ABCG2: variants seen among roughly 807,000 people sequenced by gnomAD.
The protein encoded by ABCG2 is ATP binding cassette subfamily G member 2 (JR blood group), also known as broad substrate specificity ATP-binding cassette transporter ABCG2.
Under a neutral mutation model 73.5 loss-of-function variants are expected in ABCG2, and 80 were observed. The observed-to-expected ratio is 1.09, with a 90% CI of 0.91 to 1.31. The LOEUF is 1.31. ABCG2 is among the 50% of genes most tolerant of loss of function. The probability of loss-of-function intolerance (pLI) is 0.00; values close to 1 mark genes in which losing one functional copy is unlikely to be tolerated. For missense variants in ABCG2, 796 were observed against 786.2 expected, an observed-to-expected ratio of 1.01 and a Z score of -0.15; for synonymous variants, 269 against 282.4, an observed-to-expected ratio of 0.95 and a Z score of 0.48.
At chr4:88,134,428 T>C (rs1198010159) in intron 2 of ABCG2, among the ~76,000 whole-genome samples, 3 of 152,160 alleles carry the variant, frequency 2.0e-5, no homozygotes, top group Non-Finnish European at 4.4e-5. Context: ...AGGAGCAAGA[T>C]CTAACAGAAA....
Position 88,192,451 on chromosome 4 carries a change from T to A in ABCG2, c.-20+38543A>T, listed in dbSNP as rs554457461. 2.5e-3 allele frequency among the ~76,000 whole-genome samples: 386 copies of A among 152,196 alleles called. 2 individuals carry two copies. The highest frequency in any genetic ancestry group is 8.8e-3 in the African/African-American group (366 of 41,540). On this transcript the variant is annotated intron_variant, in intron 1 of 15. Coordinates refer to the ABCG2 transcript ENST00000515655. ...TTTTTTGAGATGGAGTCTCGCTCCA[T>A]CGCCCAGGCCCAGGCTGGAGTGCAG...
intron 1 of ABCG2, among the ~76,000 whole-genome samples, chr4:88,201,993 T>C (rs1447946997): frequency 6.6e-6 from 1 of 151,914 alleles, no homozygotes; most frequent in Non-Finnish European, 1.5e-5. Flanking sequence ...TTGGTATGAG[T>C]GTGGCAGGGC....
At chr4:88,110,517 T>A (rs1216550652) in intron 9 of ABCG2, among the ~76,000 whole-genome samples, 1 of 152,054 alleles carries the variant, frequency 6.6e-6, no homozygotes, top group Admixed American at 6.6e-5. Context: ...CACTCCAGCC[T>A]GGGCGACAGA....
chr4:88,197,824 G>A (rs969194133), intron 1 of ABCG2, among the ~76,000 whole-genome samples: 1 of 151,672 alleles, frequency 6.6e-6, no homozygotes, highest in Non-Finnish European at 1.5e-5. Flanking sequence ...AAGAGGCCAG[G>A]AGTTCAAGAC....
In ABCG2 at chr4:88,121,683, G is replaced by C. The variant is rs529882354; in HGVS notation, c.641C>G (p.Thr214Ser). 3 of 1,614,128 alleles carry C rather than the reference G, an allele frequency of 1.9e-6. No individual in the cohort carries two copies. The highest frequency in any genetic ancestry group is 2.7e-5 in the African/African-American group (2 of 75,058). Residue 214 changes from threonine to serine, a missense_variant, in exon 6 of 16, where the codon ACT (threonine) becomes AGT (serine). Coordinates refer to ENST00000237612, the MANE Select transcript of ABCG2 (RefSeq NM_004827.3). Reference protein sequence around the residue: ...PSILFLDEPTTGLDSSTANAV... With the variant: ...PSILFLDEPTSGLDSSTANAV... ...ATTTGCTGTGCTTGAGTCTAAGCCA[G>C]TTGTAGGCTCATCCAAGAACAAGAT...
intron 6 of ABCG2, among the ~76,000 whole-genome samples, chr4:88,120,071 C>T (rs1484458361): frequency 2.6e-5 from 4 of 152,180 alleles, no homozygotes; most frequent in Non-Finnish European, 5.9e-5. Flanking sequence ...CAGGGCCTTG[C>T]TGCTTTGTAC....
At chr4:88,220,363 G>C (rs997350247) in intron 1 of ABCG2, among the ~76,000 whole-genome samples, 1 of 152,138 alleles carries the variant, frequency 6.6e-6, no homozygotes, top group Admixed American at 6.5e-5. Context: ...TAATTCTATG[G>C]TTAGTTTTTT....
chr4:88,114,627 CAAA>C (rs11320820), intron 8 of ABCG2, among the ~76,000 whole-genome samples: 1 of 107,128 alleles, frequency 9.3e-6, no homozygotes. Context: ...GATTCCTTCT[CAAA>C]AAAAAAAAAA....
chr4:88,193,738 TTTTTA>T (rs1181359770), intron 1 of ABCG2, among the ~76,000 whole-genome samples: 1 of 152,090 alleles, frequency 6.6e-6, no homozygotes, highest in African/African-American at 2.4e-5. Context: ...AGGTTTGAAT[TTTTTA>T]TTTTATTTTA....
intron 9 of ABCG2, 56 bp from the exon 10 acceptor site, chr4:88,107,322 C>T: frequency 8.5e-7 from 1 of 1,177,820 alleles, no homozygotes; most frequent in Non-Finnish European, 1.2e-6. Context: ...GAGATAAAAA[C>T]TTATACACAC....
chr4:88,145,452 T>C (rs1009546422), intron 1 of ABCG2, among the ~76,000 whole-genome samples: 3 of 152,208 alleles, frequency 2.0e-5, no homozygotes, highest in East Asian at 3.9e-4. Flanking sequence ...CCTGCTTGTA[T>C]GGTGGTTTCA....
intron 1 of ABCG2, among the ~76,000 whole-genome samples, chr4:88,201,209 C>CAAAAAAAA (rs3061250): frequency 4.7e-5 from 5 of 106,282 alleles, no homozygotes; most frequent in Non-Finnish European, 5.6e-5. Context: ...GCACTAACTG[C>CAAAAAAAA]AAAAAAAAAA....
chr4:88,158,912 T>G, upstream of ABCG2: 1 of 344,686 alleles, frequency 2.9e-6, no homozygotes, highest in South Asian at 2.1e-5. Context: ...CTGAACGCAG[T>G]GGCCCCTCCC....
At chr4:88,217,111 A>G (rs763084184) in intron 1 of ABCG2, among the ~76,000 whole-genome samples, 10 of 152,148 alleles carry the variant, frequency 6.6e-5, no homozygotes, top group African/African-American at 9.7e-5. Flanking sequence ...GAAGTTACAG[A>G]ATGCCTTATC....
Position 88,107,072 on chromosome 4 carries a change from A to G in ABCG2, c.1277+112T>C, listed in dbSNP as rs2231151. The G allele has an allele frequency of 1.4e-3, 1,094 of 810,118 alleles. 9 individuals are homozygous for G. In the African/African-American group the frequency reaches 0.016, roughly 12 times the overall value. 50.2% of individuals were successfully genotyped at this position (810,118 alleles called of 1,614,324 possible). A position where few individuals can be genotyped will look rare whatever the true frequency, so the allele number is the denominator to read the frequency against. The stretch of plus-strand genomic sequence containing the variant: ...TAAACTGACTCATCCTACCCTCAAT[A>G]AAAGAATGACATTTACACTATACTT... On this transcript the variant is annotated intron_variant, in intron 10 of 15. Transcript: ENST00000237612.
intron 1 of ABCG2, among the ~76,000 whole-genome samples, chr4:88,216,717 G>A (rs1729827104): frequency 6.6e-6 from 1 of 152,104 alleles, no homozygotes; most frequent in Admixed American, 6.6e-5. Flanking sequence ...CTCAGGAATA[G>A]CTACATATTC....
chr4:88,095,677 C>T, intron 13 of ABCG2, 68 bp from the exon 14 acceptor site: 2 of 1,217,222 alleles, frequency 1.6e-6, no homozygotes, highest in Non-Finnish European at 2.4e-6. Context: ...AGAGAATACC[C>T]TCTTCAAGTC....
chr4:88,206,855 G>A lies in ABCG2; in HGVS notation c.-20+24139C>T, dbSNP rs571371438. ...ACAAAACTTTAGCTAGACACAGAGC[G>A]CTGATTGGTGCATTTACAATCCTTT... On this transcript the variant is annotated intron_variant, in intron 1 of 15. Transcript: ENST00000515655. Among the ~76,000 whole-genome samples the A allele has an allele frequency of 5.3e-5, 8 of 152,230 alleles. No homozygotes were observed. In the East Asian group the frequency reaches 1.5e-3, roughly 29 times the overall value.
chr4:88,176,146 T>C (rs1162438970), intron 1 of ABCG2, among the ~76,000 whole-genome samples: 1 of 147,852 alleles, frequency 6.8e-6, no homozygotes, highest in East Asian at 2.0e-4. Context: ...TTAATTATTA[T>C]GATTATTCTT....
Sources: gnomAD v4.1 joint callset for allele counts (sites outside exome capture counted in the v4.1 genomes callset) on GRCh38, gnomAD v4.1.1 for gene constraint, MANE v1.5 for transcripts, NCBI Gene and HGNC (gene_info 2026-07-23, HGNC 2026-07-21) for gene names.